Variants in RASSF3 observed in about 807,000 individuals in gnomAD.
The protein encoded by RASSF3 is ras association domain-containing protein 3.
A neutral mutation model predicts 19.9 loss-of-function variants in RASSF3; 19 were observed. The ratio of observed to expected loss-of-function variants is 0.96; its 90% confidence interval spans 0.67 to 1.40. The LOEUF (loss-of-function observed/expected upper bound fraction) is 1.40, where lower values mean the gene tolerates loss of function less well. Among genes scored for constraint, RASSF3 ranks in the 40% most tolerant of loss-of-function variants. The pLI, the probability that RASSF3 is intolerant of heterozygous loss-of-function variation, is 0.00. For synonymous variants in RASSF3, 110 were observed against 104.2 expected (o/e 1.06, Z -0.34); for missense variants, 306 against 289.8 (o/e 1.06, Z -0.41).
intron 1 of RASSF3, among the ~76,000 whole-genome samples, chr12:64,512,985 C>T (rs552503166): frequency 2.6e-5 from 4 of 152,188 alleles, no homozygotes; most frequent in Middle Eastern, 3.4e-3. Context: ...TGAAGCTGTC[C>T]CAACTGCTGA....
rs552739796 is a variant in RASSF3 at position 64,643,583 on chromosome 12, C to A, written c.111+32840C>A. ...AATAAAACCCCAAAACAAAAATAAA[C>A]CAAAAACCCCAACAAAACAGCATGT... On this transcript the variant is annotated intron_variant, in intron 1 of 4. Coordinates refer to ENST00000542104, the MANE Select transcript of RASSF3 (RefSeq NM_178169.4). Among the ~76,000 whole-genome samples the A allele has an allele frequency of 2.1e-4, 32 of 151,790 alleles. No homozygotes were observed. The East Asian group carries it at 5.0e-3, about 24-fold the overall frequency.
chr12:64,617,580 C>T (rs140043664), intron 1 of RASSF3, among the ~76,000 whole-genome samples: 57 of 152,218 alleles, frequency 3.7e-4, no homozygotes, highest in African/African-American at 1.2e-3. Context: ...TTGGTTGAGA[C>T]GGAGTCTTGC....
intron 1 of RASSF3, among the ~76,000 whole-genome samples, chr12:64,612,989 A>C (rs1178162310): frequency 6.6e-6 from 1 of 152,198 alleles, no homozygotes; most frequent in Non-Finnish European, 1.5e-5. Context: ...TTTCCCTTCT[A>C]ACATAACACA....
intron 2 of RASSF3, among the ~76,000 whole-genome samples, chr12:64,583,648 C>T (rs977750487): frequency 3.3e-5 from 5 of 152,040 alleles, no homozygotes; most frequent in East Asian, 1.9e-4. Context: ...AAAACACCAG[C>T]GTTTCAGTCA....
intron 2 of RASSF3, among the ~76,000 whole-genome samples, chr12:64,685,608 T>C (rs11175514): frequency 0.065 from 9,829 of 152,134 alleles, 378 homozygotes; most frequent in Non-Finnish European, 0.09. Context: ...GATTGGAATA[T>C]AGAGGTATAT....
intron 2 of RASSF3, among the ~76,000 whole-genome samples, chr12:64,570,260 G>T (rs1467421730): frequency 6.6e-6 from 1 of 152,088 alleles, no homozygotes; most frequent in Non-Finnish European, 1.5e-5. Context: ...TTAAAAAATG[G>T]GCCGATGCTG....
intron 1 of RASSF3, among the ~76,000 whole-genome samples, chr12:64,618,871 A>G (rs1312209881): frequency 1.3e-5 from 2 of 152,132 alleles, no homozygotes; most frequent in African/African-American, 4.8e-5. Flanking sequence ...TTGCTGTGAA[A>G]AATACACACT....
chr12:64,642,683 A>C (rs1437951229), intron 1 of RASSF3, among the ~76,000 whole-genome samples: 2 of 135,332 alleles, frequency 1.5e-5, no homozygotes, highest in African/African-American at 5.6e-5. Flanking sequence ...TAATTAATAC[A>C]AAGTTTTGTA....
rs906817162 is a variant in RASSF3 at position 64,661,002 on chromosome 12, C to T, written c.112-23785C>T. On this transcript the variant is annotated intron_variant, in intron 1 of 4. Coordinates refer to ENST00000542104, the MANE Select transcript of RASSF3 (RefSeq NM_178169.4). ...TAATAGAACACCCCTTTCTTGTGAA[C>T]GTGTGCTCTCAGGGTTTGTTTCCAA... Among the ~76,000 whole-genome samples the T allele has an allele frequency of 2.0e-5, 3 of 152,116 alleles. No homozygotes were observed. In the East Asian group the frequency reaches 5.8e-4, roughly 29 times the overall value.
At chr12:64,575,599 A>C (rs181938304) in intron 2 of RASSF3, 5 of 152,286 alleles carry the variant, frequency 3.3e-5, no homozygotes, top group Admixed American at 3.3e-4. Flanking sequence ...CAAATGAAAG[A>C]TTTTCAACAT....
chr12:64,541,051 G>A (rs949745498), intron 1 of RASSF3, among the ~76,000 whole-genome samples: 2 of 149,688 alleles, frequency 1.3e-5, no homozygotes, highest in African/African-American at 2.5e-5. Context: ...TAGCACTTTG[G>A]GATTACACTT....
chr12:64,584,786 G>T (rs965557324), intron 2 of RASSF3, among the ~76,000 whole-genome samples: 1 of 151,902 alleles, frequency 6.6e-6, no homozygotes, highest in Non-Finnish European at 1.5e-5. Flanking sequence ...AATTTCGGGG[G>T]AGAGGGAGGT....
intron 1 of RASSF3, chr12:64,541,571 T>C (rs1428168155): frequency 2.5e-6 from 1 of 398,414 alleles, no homozygotes; most frequent in Admixed American, 4.4e-5. Flanking sequence ...TAACGTGCTT[T>C]CTCTTTCAGA....
At chr12:64,600,916 C>A (rs1320139500) in intron 2 of RASSF3, among the ~76,000 whole-genome samples, 4 of 152,142 alleles carry the variant, frequency 2.6e-5, no homozygotes, top group Non-Finnish European at 4.4e-5. Flanking sequence ...TTTCTTCAGT[C>A]TTCTCTTAAT....
chr12:64,528,756 G>A (rs1467070891), upstream of RASSF3, among the ~76,000 whole-genome samples: 1 of 152,172 alleles, frequency 6.6e-6, no homozygotes, highest in Non-Finnish European at 1.5e-5. Context: ...GGCAGGTGAC[G>A]CTGAAGAGGC....
downstream of RASSF3, among the ~76,000 whole-genome samples, chr12:64,543,172 C>T (rs1868969682): frequency 2.4e-5 from 1 of 41,270 alleles, no homozygotes; most frequent in Non-Finnish European, 7.1e-5. Context: ...GAGTGGCGGG[C>T]CCCGCACTTG....
At chr12:64,635,998 T>C (rs1476981709) in intron 1 of RASSF3, among the ~76,000 whole-genome samples, 1 of 152,252 alleles carries the variant, frequency 6.6e-6, no homozygotes, top group Non-Finnish European at 1.5e-5. Context: ...ACATACTGAT[T>C]ACATTCATTG....
At chr12:64,539,451 T>C (rs1399572670) in intron 1 of RASSF3, among the ~76,000 whole-genome samples, 1 of 152,154 alleles carries the variant, frequency 6.6e-6, no homozygotes, top group Non-Finnish European at 1.5e-5. Flanking sequence ...AATCATAACA[T>C]ATCTTCTCTT....
intron 1 of RASSF3, among the ~76,000 whole-genome samples, chr12:64,637,772 T>C (rs1871372098): frequency 6.6e-6 from 1 of 151,792 alleles, no homozygotes; most frequent in South Asian, 2.1e-4. Flanking sequence ...AGTGTGTGTA[T>C]GTGACTGGGC....
Sources: gnomAD v4.1 joint callset for allele counts (sites outside exome capture counted in the v4.1 genomes callset) on GRCh38, gnomAD v4.1.1 for gene constraint, MANE v1.5 for transcripts, NCBI Gene and HGNC (gene_info 2026-07-23, HGNC 2026-07-21) for gene names.